MTCL2: variants seen among roughly 807,000 people sequenced by gnomAD.
MTCL2 encodes microtubule crosslinking factor 2.
chr20:36,833,120 G>C, the MTCL2 span, among the ~76,000 whole-genome samples: 6 of 152,208 alleles, frequency 3.9e-5, no homozygotes, highest in Non-Finnish European at 8.8e-5. Context: ...TAGAACTAAG[G>C]TTTGAAATCG....
At chr20:36,816,439 C>T in the MTCL2 span, 13 of 767,806 alleles carry the variant, frequency 1.7e-5, no homozygotes, top group African/African-American at 1.4e-4. Context: ...CCTCAAGGAG[C>T]TAAGGGTCCG....
At chr20:36,799,509 A>G in the MTCL2 span, among the ~76,000 whole-genome samples, 2 of 145,798 alleles carry the variant, frequency 1.4e-5, no homozygotes, top group East Asian at 3.9e-4. Flanking sequence ...AAATAAATAA[A>G]TAAATAAATA....
the MTCL2 span, among the ~76,000 whole-genome samples, chr20:36,834,073 G>C: frequency 6.6e-6 from 1 of 150,780 alleles, no homozygotes; most frequent in African/African-American, 2.4e-5. Context: ...TGAGGCAGGA[G>C]AATTGCTTGA....
chr20:36,815,065 A>AAAAAC, the MTCL2 span: 6 of 1,487,028 alleles, frequency 4.0e-6, no homozygotes, highest in Non-Finnish European at 4.5e-6. The surrounding 1 kb of genome is among the most constrained non-coding windows in gnomAD (Gnocchi z 5.3). Context: ...CTATCTCAAG[A>AAAAAC]AAAACAAAAC....
chr20:36,818,248 A>T, the MTCL2 span, among the ~76,000 whole-genome samples: 1 of 152,226 alleles, frequency 6.6e-6, no homozygotes, highest in Non-Finnish European at 1.5e-5. Context: ...TCTAGTGGGA[A>T]CTGTAATTCA....
chr20:36,777,964 G>C, the MTCL2 span: 1 of 566,814 alleles, frequency 1.8e-6, no homozygotes, highest in Non-Finnish European at 3.1e-6. Flanking sequence ...TCAGTTTGAA[G>C]AGGCGCTATC....
the MTCL2 span, chr20:36,786,151 G>A: frequency 9.9e-7 from 1 of 1,012,280 alleles, no homozygotes; most frequent in South Asian, 4.5e-5. Context: ...CTTCCAAGAG[G>A]GTGGCATGGG....
chr20:36,813,300 A>G, the MTCL2 span, among the ~76,000 whole-genome samples: 1 of 96,720 alleles, frequency 1.0e-5, no homozygotes. Context: ...GCAACAGAGC[A>G]AGACTGTTTC....
At chr20:36,805,715 A>C in the MTCL2 span, 3 of 694,906 alleles carry the variant, frequency 4.3e-6, no homozygotes, top group Non-Finnish European at 4.8e-6. Flanking sequence ...GGACTCTGTT[A>C]CTGCCCTGGG....
the MTCL2 span, chr20:36,812,934 G>A: frequency 6.1e-5 from 90 of 1,474,378 alleles, no homozygotes; most frequent in South Asian, 7.8e-5. Flanking sequence ...AGGCCTCTGC[G>A]CTCCCTAAGA....
chr20:36,855,933 C>T, the MTCL2 span, among the ~76,000 whole-genome samples: 1 of 152,182 alleles, frequency 6.6e-6, no homozygotes, highest in Admixed American at 6.5e-5. Context: ...CTCCCCAGGC[C>T]TCTCCGGCAG....
the MTCL2 span, among the ~76,000 whole-genome samples, chr20:36,818,252 T>A: frequency 1.3e-5 from 2 of 152,252 alleles, no homozygotes; most frequent in Non-Finnish European, 2.9e-5. Flanking sequence ...GTGGGAACTG[T>A]AATTCAGAAT....
At chr20:36,836,678 G>A in the MTCL2 span, among the ~76,000 whole-genome samples, 3 of 151,940 alleles carry the variant, frequency 2.0e-5, no homozygotes, top group Admixed American at 6.6e-5. Context: ...GTAGAGATAG[G>A]GTCTTGCTAT....
At chr20:36,802,403 G>A in the MTCL2 span, among the ~76,000 whole-genome samples, 1 of 152,148 alleles carries the variant, frequency 6.6e-6, no homozygotes, top group Non-Finnish European at 1.5e-5. Flanking sequence ...TGGGGAGTGA[G>A]GGTCAATGAT....
At chr20:36,852,513 A>G in the MTCL2 span, among the ~76,000 whole-genome samples, 1 of 152,232 alleles carries the variant, frequency 6.6e-6, no homozygotes, top group South Asian at 2.1e-4. Context: ...AACTCCGCAG[A>G]GCTCCACTTC....
chr20:36,784,513 T>C, the MTCL2 span: 2 of 985,532 alleles, frequency 2.0e-6, no homozygotes, highest in South Asian at 4.7e-5. Flanking sequence ...GTCTTCCTGA[T>C]GGGCAATTCT....
chr20:36,847,160 C>T, the MTCL2 span, among the ~76,000 whole-genome samples: 1 of 152,322 alleles, frequency 6.6e-6, no homozygotes. Context: ...GATGAGGAGA[C>T]GAGGCTCAGA....
the MTCL2 span, among the ~76,000 whole-genome samples, chr20:36,842,658 G>C: frequency 3.9e-5 from 6 of 152,326 alleles, no homozygotes; most frequent in South Asian, 1.0e-3. Context: ...TGTAATCCCA[G>C]CTACTCGGGA....
the MTCL2 span, chr20:36,863,141 T>C: frequency 2.2e-6 from 3 of 1,391,032 alleles, no homozygotes; most frequent in East Asian, 3.3e-5. This position sits in a 1 kb window ranked among gnomAD's most constrained non-coding sequence, Gnocchi z 6.2. Flanking sequence ...TGTCCGGCCG[T>C]GAGGAGAACG....
Sources: allele counts gnomAD v4.1 joint callset (sites outside exome capture counted in the v4.1 genomes callset), GRCh38; gene constraint gnomAD v4.1.1; non-coding constraint Gnocchi (gnomAD v3.1); transcripts MANE v1.5; gene names NCBI Gene and HGNC (gene_info 2026-07-23, HGNC 2026-07-21).